The following UBL3 variants were observed in gnomAD, a reference collection of about 807,000 sequenced individuals.
The protein encoded by UBL3 is ubiquitin-like protein 3.
Under a neutral mutation model 18.4 loss-of-function variants are expected in UBL3, and 6 were observed. The observed-to-expected ratio is 0.33, with a 90% CI of 0.18 to 0.64. The LOEUF (loss-of-function observed/expected upper bound fraction) is 0.64, where lower values mean the gene tolerates loss of function less well. Among genes scored for constraint, UBL3 ranks in the 30% least tolerant of loss-of-function variants. The pLI, the probability that UBL3 is intolerant of heterozygous loss-of-function variation, is 0.76. For missense variants in UBL3, 109 were observed against 142.9 expected (o/e 0.76, Z 1.21); for synonymous variants, 49 against 46.6 (o/e 1.05, Z -0.21).
Position 29,850,599 on chromosome 13 carries a change from CG to C in UBL3, c.-1062del, listed in dbSNP as rs981468513. On this transcript the variant is annotated 5_prime_UTR_variant, in exon 1 of 5. Transcript: ENST00000380680. ...AACATGGCGGCAGCGGCGGCGGCGG[CG>C]GCTGCCTGAGTGCGACTAAGGGAAA... The C allele has an allele frequency of 1.9e-5, 3 of 155,858 alleles. No homozygotes were observed. The highest frequency in any genetic ancestry group is 7.2e-5 in the African/African-American group (3 of 41,464). 9.7% of individuals were successfully genotyped at this position (155,858 alleles called of 1,614,324 possible).
chr13:29,765,760 TCTA>T lies in UBL3; in HGVS notation c.*1492_*1494del, dbSNP rs1402830617. 1 of 152,592 alleles carries T rather than the reference TCTA, an allele frequency of 6.6e-6. No individual in the cohort carries two copies. Among genetic ancestry groups the T allele is most frequent in the East Asian group, 1.9e-4 (1 of 5,196 alleles). 9.5% of individuals were successfully genotyped at this position (152,592 alleles called of 1,614,324 possible). A position where few individuals can be genotyped will look rare whatever the true frequency, so the allele number is the denominator to read the frequency against. ...TCAGTATGAACAATATTTTCGTAGA[TCTA>T]CTGCATATAAAGCCTTTTCATCAAA... On this transcript the variant is annotated 3_prime_UTR_variant, in exon 5 of 5. Coordinates refer to ENST00000380680, the MANE Select transcript of UBL3 (RefSeq NM_007106.4).
At chr13:29,785,824 CA>C (rs1401388029) in intron 1 of UBL3, among the ~76,000 whole-genome samples, 2 of 152,016 alleles carry the variant, frequency 1.3e-5, no homozygotes, top group Non-Finnish European at 2.9e-5. Context: ...GAGAGACATA[CA>C]AACAGATAAC....
intron 1 of UBL3, among the ~76,000 whole-genome samples, chr13:29,794,322 CATT>C (rs1027588631): frequency 7.9e-5 from 12 of 151,348 alleles, no homozygotes; most frequent in African/African-American, 2.4e-4. Flanking sequence ...AGCAATTCAA[CATT>C]AATAAGAGGG....
At chr13:29,823,911 A>T (rs1365660332) in intron 1 of UBL3, among the ~76,000 whole-genome samples, 1 of 140,216 alleles carries the variant, frequency 7.1e-6, no homozygotes, top group Non-Finnish European at 1.5e-5. Flanking sequence ...CCTGTGTTCA[A>T]GTGTTCTCAT....
chr13:29,814,304 G>T (rs1878203862), intron 1 of UBL3, among the ~76,000 whole-genome samples: 1 of 151,978 alleles, frequency 6.6e-6, no homozygotes, highest in Admixed American at 6.6e-5. Flanking sequence ...GAGCCTGCCT[G>T]CTAGCTTACA....
At chr13:29,824,682 T>C (rs1298133708) in intron 1 of UBL3, among the ~76,000 whole-genome samples, 1 of 152,242 alleles carries the variant, frequency 6.6e-6, no homozygotes, top group Non-Finnish European at 1.5e-5. Flanking sequence ...TGGTAGTTTC[T>C]TTTGCTGTGC....
At chr13:29,780,388 A>G (rs11618145) in intron 1 of UBL3, among the ~76,000 whole-genome samples, 16,521 of 94,244 alleles carry the variant, frequency 0.18, 1,490 homozygotes, top group Non-Finnish European at 0.2. Flanking sequence ...ATATATATAT[A>G]TATGTGTGTG....
chr13:29,818,941 C>A (rs1316231194), intron 1 of UBL3, among the ~76,000 whole-genome samples: 1 of 149,126 alleles, frequency 6.7e-6, no homozygotes, highest in Non-Finnish European at 1.5e-5. Context: ...TAGGTAATTG[C>A]TGCTAATTTT....
chr13:29,807,879 C>T (rs1877936298), intron 1 of UBL3, among the ~76,000 whole-genome samples: 1 of 152,130 alleles, frequency 6.6e-6, no homozygotes, highest in East Asian at 1.9e-4. Flanking sequence ...CTTTTTGCCA[C>T]TTTTTAATAT....
chr13:29,798,808 G>A (rs979239421), intron 1 of UBL3, among the ~76,000 whole-genome samples: 14 of 152,092 alleles, frequency 9.2e-5, no homozygotes, highest in Admixed American at 2.0e-4. Flanking sequence ...CTCATCAAAC[G>A]TTATAATTTT....
intron 1 of UBL3, among the ~76,000 whole-genome samples, chr13:29,809,173 C>T (rs756364761): frequency 2.6e-5 from 4 of 151,990 alleles, no homozygotes; most frequent in Non-Finnish European, 5.9e-5. Flanking sequence ...AAACAAAAGA[C>T]AACTTGTGGG....
At chr13:29,805,831 A>G (rs1877884397) in intron 1 of UBL3, among the ~76,000 whole-genome samples, 2 of 152,240 alleles carry the variant, frequency 1.3e-5, no homozygotes, top group African/African-American at 4.8e-5. Context: ...GGATTTCCAG[A>G]AAACTATGGC....
chr13:29,843,770 C>T (rs1879164791), intron 1 of UBL3, among the ~76,000 whole-genome samples: 1 of 152,196 alleles, frequency 6.6e-6, no homozygotes, highest in Admixed American at 6.5e-5. Context: ...AACATGCTTT[C>T]AAAATGTTCT....
intron 1 of UBL3, among the ~76,000 whole-genome samples, chr13:29,827,433 T>C (rs1343890580): frequency 6.6e-6 from 1 of 152,212 alleles, no homozygotes; most frequent in East Asian, 1.9e-4. Flanking sequence ...TTTACCATTA[T>C]GTAACGGCCT....
At chr13:29,769,789 T>C (rs1188415546) in intron 3 of UBL3, among the ~76,000 whole-genome samples, 1 of 152,114 alleles carries the variant, frequency 6.6e-6, no homozygotes, top group Non-Finnish European at 1.5e-5. Flanking sequence ...TTCAGGGCTA[T>C]GTTTTAAGAC....
chr13:29,796,227 T>C (rs1383976563), intron 1 of UBL3, among the ~76,000 whole-genome samples: 2 of 152,076 alleles, frequency 1.3e-5, no homozygotes, highest in Non-Finnish European at 2.9e-5. Context: ...AAATAAAATC[T>C]AGAAGTTTAA....
intron 1 of UBL3, among the ~76,000 whole-genome samples, chr13:29,821,793 A>G (rs941001533): frequency 3.3e-5 from 5 of 152,178 alleles, no homozygotes; most frequent in African/African-American, 9.7e-5. Flanking sequence ...TTGATTTCGT[A>G]CAGAAATACA....
intron 1 of UBL3, among the ~76,000 whole-genome samples, chr13:29,814,091 G>C (rs539509238): frequency 4.6e-5 from 7 of 152,228 alleles, no homozygotes; most frequent in African/African-American, 1.7e-4. Flanking sequence ...TCTAATCCAA[G>C]AAGAAACAGT....
At chr13:29,804,536 A>T (rs1483543364) in intron 1 of UBL3, among the ~76,000 whole-genome samples, 1 of 152,156 alleles carries the variant, frequency 6.6e-6, no homozygotes, top group Non-Finnish European at 1.5e-5. Context: ...CAAATCCAGG[A>T]GTTGGTTATT....
Sources: gnomAD v4.1 joint callset for allele counts (sites outside exome capture counted in the v4.1 genomes callset) on GRCh38, gnomAD v4.1.1 for gene constraint, MANE v1.5 for transcripts, NCBI Gene and HGNC (gene_info 2026-07-23, HGNC 2026-07-21) for gene names.